The following IGSF21 variants were observed in gnomAD, a reference collection of about 807,000 sequenced individuals.
The protein encoded by IGSF21 is immunoglobin superfamily member 21, also known as immunoglobulin superfamily member 21.
In IGSF21, 28 loss-of-function variants were observed where a neutral mutation model predicts 46.8. That is an observed-to-expected ratio of 0.60 (90% CI 0.44 to 0.82). IGSF21 has a LOEUF of 0.82. IGSF21 is among the 40% of genes least tolerant of loss of function. IGSF21 has a pLI of 0.00. For synonymous variants in IGSF21, 284 were observed against 273.6 expected, an observed-to-expected ratio of 1.04 and a Z score of -0.38; for missense variants, 624 against 665.5, an observed-to-expected ratio of 0.94 and a Z score of 0.69.
At chr1:18,146,103 A>G (rs2086464628) in intron 1 of IGSF21, among the ~76,000 whole-genome samples, 1 of 152,128 alleles carries the variant, frequency 6.6e-6, no homozygotes, top group Admixed American at 6.6e-5. Flanking sequence ...AGGAGAGAAA[A>G]AGGAGGGTAT....
chr1:18,123,590 G>A (rs2086252576), intron 1 of IGSF21, among the ~76,000 whole-genome samples: 1 of 152,224 alleles, frequency 6.6e-6, no homozygotes, highest in Non-Finnish European at 1.5e-5. Context: ...AAAAGGGAAT[G>A]CTTAATCTGC....
At chr1:18,130,389 A>G (rs1010932737) in intron 1 of IGSF21, among the ~76,000 whole-genome samples, 33 of 152,270 alleles carry the variant, frequency 2.2e-4, no homozygotes, top group African/African-American at 6.7e-4. Flanking sequence ...AGCACCTACC[A>G]TTCTGTTCCA....
rs547921893 is a variant in IGSF21, at chr1:18,297,486, G to A, written c.305+5499G>A. Among the ~76,000 whole-genome samples the A allele has an allele frequency of 5.3e-5, 8 of 152,234 alleles. No homozygotes were observed. The South Asian group carries it at 1.7e-3, about 32-fold the overall frequency. ...TTTCGGGAGGTTTCTGATCTAGTGGGTGAGGAGAGACACACTACAAAAATG... is the reference window on the plus strand; with the variant it reads ...TTTCGGGAGGTTTCTGATCTAGTGGATGAGGAGAGACACACTACAAAAATG... On this transcript the variant is annotated intron_variant, in intron 3 of 9. Coordinates refer to ENST00000251296, the MANE Select transcript of IGSF21 (RefSeq NM_032880.5).
chr1:18,355,374 A>T (rs2086004734), intron 4 of IGSF21, among the ~76,000 whole-genome samples: 1 of 152,196 alleles, frequency 6.6e-6, no homozygotes, highest in South Asian at 2.1e-4. Flanking sequence ...GACAGGCAAT[A>T]TTTCGGAGTT....
chr1:18,125,023 G>A (rs1461004359), intron 1 of IGSF21, among the ~76,000 whole-genome samples: 7 of 152,076 alleles, frequency 4.6e-5, no homozygotes, highest in Non-Finnish European at 8.8e-5. Context: ...AGAAAGTGTG[G>A]CCTCAGAGAG....
intron 1 of IGSF21, among the ~76,000 whole-genome samples, chr1:18,173,560 G>A (rs1484301461): frequency 6.6e-6 from 1 of 152,180 alleles, no homozygotes; most frequent in African/African-American, 2.4e-5. Flanking sequence ...TTTCCTACCA[G>A]TGGAAGCATA....
rs114676708 is a variant in IGSF21, at chr1:18,228,030, C to G, written c.183+20C>G. ...TACCGGGTAAGTCACTACTACTGCC[C>G]CCTTCATGCCCATGGCCAGGACTGG... On this transcript the variant is annotated intron_variant, in intron 2 of 9. Coordinates refer to ENST00000251296, the MANE Select transcript of IGSF21 (RefSeq NM_032880.5). 3,608 of 1,568,240 alleles carry G rather than the reference C, an allele frequency of 2.3e-3. 67 individuals are homozygous for G. The African/African-American group carries it at 0.041, about 18-fold the overall frequency.
intron 3 of IGSF21, among the ~76,000 whole-genome samples, chr1:18,332,181 T>C (rs1235702370): frequency 6.6e-6 from 1 of 152,242 alleles, no homozygotes; most frequent in Non-Finnish European, 1.5e-5. Flanking sequence ...GACACCTGTG[T>C]CGCTATCCTA....
At chr1:18,279,164 C>T (rs2085133886) in intron 2 of IGSF21, among the ~76,000 whole-genome samples, 2 of 152,178 alleles carry the variant, frequency 1.3e-5, no homozygotes, top group South Asian at 4.2e-4. Context: ...TGGATCTCAG[C>T]TTACATGTGA....
chr1:18,293,837 G>A (rs952037665), intron 3 of IGSF21, among the ~76,000 whole-genome samples: 1 of 152,136 alleles, frequency 6.6e-6, no homozygotes, highest in Non-Finnish European at 1.5e-5. Context: ...AAGGCCTCTA[G>A]GACTCCTTGG....
At chr1:18,306,348 C>T (rs1337945905) in intron 3 of IGSF21, among the ~76,000 whole-genome samples, 4 of 152,166 alleles carry the variant, frequency 2.6e-5, no homozygotes. Flanking sequence ...TCAAATGTCC[C>T]TCTGCAGAGA....
chr1:18,110,575 G>A (rs1183581895), intron 1 of IGSF21: 2 of 152,270 alleles, frequency 1.3e-5, no homozygotes, highest in Admixed American at 6.5e-5. Flanking sequence ...TGCCCCTTTG[G>A]GTGGCAGAGC....
intron 1 of IGSF21, among the ~76,000 whole-genome samples, chr1:18,130,472 A>G (rs191436567): frequency 5.1e-4 from 77 of 152,298 alleles, no homozygotes; most frequent in Admixed American, 4.8e-3. Context: ...TCTAGCTAGA[A>G]CATTCTCTGA....
chr1:18,148,129 CTT>C (rs58426436), intron 1 of IGSF21, among the ~76,000 whole-genome samples: 3 of 108,320 alleles, frequency 2.8e-5, no homozygotes, highest in African/African-American at 1.1e-4. Flanking sequence ...CAAGTATGTC[CTT>C]TTTTTTTTTT....
intron 1 of IGSF21, among the ~76,000 whole-genome samples, chr1:18,173,794 C>T (rs369737751): frequency 6.6e-6 from 1 of 152,202 alleles, no homozygotes; most frequent in Non-Finnish European, 1.5e-5. Context: ...CACTCTATCG[C>T]CCAGGCTGGG....
At chr1:18,359,359 A>AAAGAAAG (rs2086061566) in intron 4 of IGSF21, among the ~76,000 whole-genome samples, 1 of 74,038 alleles carries the variant, frequency 1.4e-5, no homozygotes, top group African/African-American at 4.5e-5. Context: ...AGAAAGAAAG[A>AAAGAAAG]AAGAAAGAAA....
chr1:18,138,236 C>T (rs756270060), intron 1 of IGSF21, among the ~76,000 whole-genome samples: 9 of 152,174 alleles, frequency 5.9e-5, no homozygotes, highest in Admixed American at 1.3e-4. Flanking sequence ...CTTATCTCAT[C>T]GAGGAAATAT....
At chr1:18,286,110 A>T (rs2085210144) in intron 2 of IGSF21, among the ~76,000 whole-genome samples, 2 of 152,012 alleles carry the variant, frequency 1.3e-5, no homozygotes. Context: ...GTGACCCCAA[A>T]AGCCTCTGCA....
chr1:18,129,863 T>C (rs1054885347), intron 1 of IGSF21, among the ~76,000 whole-genome samples: 4 of 152,126 alleles, frequency 2.6e-5, no homozygotes, highest in Non-Finnish European at 5.9e-5. Flanking sequence ...TATCAATGGG[T>C]GAGTCTGGCC....
Sources: gnomAD v4.1 joint callset for allele counts (sites outside exome capture counted in the v4.1 genomes callset) on GRCh38, gnomAD v4.1.1 for gene constraint, MANE v1.5 for transcripts, NCBI Gene and HGNC (gene_info 2026-07-23, HGNC 2026-07-21) for gene names.